NHSL1: variants seen among roughly 807,000 people sequenced by gnomAD.
The protein encoded by NHSL1 is NHS like 1, also known as NHS-like protein 1.
Under a neutral mutation model 95.0 loss-of-function variants are expected in NHSL1, and 48 were observed. That is an observed-to-expected ratio of 0.51 (90% CI 0.40 to 0.64). The LOEUF (loss-of-function observed/expected upper bound fraction) is 0.64, where lower values mean the gene tolerates loss of function less well. Among genes scored for constraint, NHSL1 ranks in the 30% least tolerant of loss-of-function variants. The probability of loss-of-function intolerance (pLI) is 0.00; values close to 1 mark genes in which losing one functional copy is unlikely to be tolerated. For synonymous variants in NHSL1, 783 were observed against 833.9 expected, an observed-to-expected ratio of 0.94 and a Z score of 1.05; for missense variants, 1,971 against 2,077.7, an observed-to-expected ratio of 0.95 and a Z score of 1.00.
At chr6:138,600,703 C>T (rs1223657900) in intron 1 of NHSL1, among the ~76,000 whole-genome samples, 3 of 152,136 alleles carry the variant, frequency 2.0e-5, no homozygotes, top group Admixed American at 6.5e-5. Flanking sequence ...AATGTCGTTG[C>T]TAAACCAACA....
chr6:138,565,703 T>A (rs1783587820), intron 1 of NHSL1, among the ~76,000 whole-genome samples: 1 of 151,686 alleles, frequency 6.6e-6, no homozygotes, highest in Non-Finnish European at 1.5e-5. Flanking sequence ...GGCAGGAGGA[T>A]CACTTGAGGC....
chr6:138,561,211 T>G (rs1192918553), intron 1 of NHSL1, among the ~76,000 whole-genome samples: 1 of 152,206 alleles, frequency 6.6e-6, no homozygotes, highest in Non-Finnish European at 1.5e-5. Flanking sequence ...AGTGTACAAT[T>G]AGCGATGCAA....
At chr6:138,539,517 T>C (rs1443973375) in intron 1 of NHSL1, among the ~76,000 whole-genome samples, 1 of 152,146 alleles carries the variant, frequency 6.6e-6, no homozygotes, top group Admixed American at 6.5e-5. Context: ...GAGTTCAATA[T>C]GGCTTAGGTG....
At chr6:138,537,188 T>C (rs1366286679) in intron 1 of NHSL1, among the ~76,000 whole-genome samples, 1 of 152,236 alleles carries the variant, frequency 6.6e-6, no homozygotes, top group Non-Finnish European at 1.5e-5. Context: ...AGGAAACATT[T>C]CCAAAAAGGA....
intron 3 of NHSL1, among the ~76,000 whole-genome samples, chr6:138,448,801 C>T (rs1351775552): frequency 6.6e-6 from 1 of 152,156 alleles, no homozygotes; most frequent in Admixed American, 6.5e-5. Flanking sequence ...GCCTGTAATC[C>T]CAGCACCCTG....
At chr6:138,587,503 C>CA (rs35723995) in intron 1 of NHSL1, among the ~76,000 whole-genome samples, 7,040 of 59,504 alleles carry the variant, frequency 0.12, 290 homozygotes, top group African/African-American at 0.18. Flanking sequence ...AAAACTCTGT[C>CA]AAAAAAAAAA....
chr6:138,545,646 C>T, exon 1 of NHSL1: 2 of 1,289,368 alleles, frequency 1.6e-6, no homozygotes, highest in Non-Finnish European at 2.0e-6. Flanking sequence ...CATTCTGCAG[C>T]AGTTCCATGG....
In NHSL1 at chr6:138,447,131, G is replaced by A; in HGVS notation, c.402C>T (p.Ala134=). ...FISIRRPKTP[A]SSDFSDLNTQ... is the part of the protein sequence containing the mutation. ...TATTAAGGTCGGAGAAGTCACTTGA[G>A]GCTGGTGTTTTAGGTCTCCTGATGG... The change falls in exon 4 of 8, where the codon GCC becomes GCT. Residue 134 remains alanine, a synonymous_variant. Coordinates refer to ENST00000343505, the MANE Select transcript of NHSL1 (RefSeq NM_001144060.2). 6.4e-7 allele frequency: 1 copy of A among 1,551,732 alleles called. No homozygotes were observed. The highest frequency in any genetic ancestry group is 8.7e-7 in the Non-Finnish European group (1 of 1,146,980).
rs1321756622 is a variant in NHSL1, at chr6:138,431,114, C to T, written c.3231G>A (p.Gln1077=). 1.9e-6 allele frequency: 3 copies of T among 1,551,710 alleles called. No homozygotes were observed. Among genetic ancestry groups the T allele is most frequent in the Non-Finnish European group, 1.7e-6 (2 of 1,147,040 alleles). ...LITTEALQMV[Q]LRPVRKNSGA... ...CTGAGTTCTTTCTCACGGGCCTCAA[C>T]TGCACCATCTGCAATGCTTCCGTGG... Residue 1077 remains glutamine, a synonymous_variant, in exon 6 of 8, where the codon CAG becomes CAA. Transcript: ENST00000343505. This position sits in a 1 kb window ranked among gnomAD's most constrained non-coding sequence, Gnocchi z 4.0.
intron 1 of NHSL1, among the ~76,000 whole-genome samples, chr6:138,686,502 A>T (rs1036371671): frequency 1.3e-5 from 2 of 152,204 alleles, no homozygotes; most frequent in African/African-American, 4.8e-5. Flanking sequence ...TAATAAAATA[A>T]AATAGTTGTT....
chr6:138,541,629 T>A (rs963345561), intron 1 of NHSL1, among the ~76,000 whole-genome samples: 1 of 152,242 alleles, frequency 6.6e-6, no homozygotes, highest in African/African-American at 2.4e-5. Flanking sequence ...CTAATGCAAC[T>A]GTTTAAATTT....
chr6:138,570,868 T>C (rs926328079), intron 1 of NHSL1, among the ~76,000 whole-genome samples: 7 of 152,334 alleles, frequency 4.6e-5, no homozygotes, highest in Admixed American at 1.3e-4. Context: ...GATACTTAAA[T>C]AGCACTCCCC....
Position 138,499,278 on chromosome 6 carries a change from T to G in NHSL1, c.13A>C (p.Ile5Leu). 6.4e-7 allele frequency: 1 copy of G among 1,550,884 alleles called. No homozygotes were observed. Among genetic ancestry groups the G allele is most frequent in the Non-Finnish European group, 8.7e-7 (1 of 1,146,362 alleles). The change falls in exon 1 of 8, where the codon ATT becomes CTT. Residue 5 changes from isoleucine (I) to leucine (L), a missense_variant. Transcript: ENST00000343505. MVVFINAKIKSLIKL... is the reference protein window; with the variant it reads MVVFLNAKIKSLIKL... ...ATTAAAGACTTAATCTTTGCATTAA[T>G]GAAGACCACCATTTCCAGGGCACCT...
intron 1 of NHSL1, among the ~76,000 whole-genome samples, chr6:138,663,009 T>C (rs1224142885): frequency 8.2e-6 from 1 of 122,576 alleles, no homozygotes; most frequent in Admixed American, 9.2e-5. Flanking sequence ...TTTCAGGAAA[T>C]AATAGCCAAG....
At chr6:138,555,597 CTGTTCTTGTGCGGAATAAAAGTGACA>C (rs1444220338) in intron 1 of NHSL1, among the ~76,000 whole-genome samples, 1 of 152,102 alleles carries the variant, frequency 6.6e-6, no homozygotes, top group Non-Finnish European at 1.5e-5. Context: ...TGAATGAATT[CTGTTCTTGTGCGGAATAAAAGTGACA>C]TGAGAAAGCC....
intron 1 of NHSL1, among the ~76,000 whole-genome samples, chr6:138,671,970 A>C (rs1002511346): frequency 6.6e-6 from 1 of 152,204 alleles, no homozygotes; most frequent in African/African-American, 2.4e-5. Flanking sequence ...GAAGGAAAAA[A>C]GGGCTAAATC....
chr6:138,619,947 C>CAAAAAAAAAAAAAAAAAAAAAACAAAA (rs11376703), intron 1 of NHSL1, among the ~76,000 whole-genome samples: 1 of 102,200 alleles, frequency 9.8e-6, no homozygotes, highest in Non-Finnish European at 2.0e-5. Flanking sequence ...AACTCTATCA[C>CAAAAAAAAAAAAAAAAAAAAAACAAAA]AAAAAAAAAA....
intron 1 of NHSL1, among the ~76,000 whole-genome samples, chr6:138,644,440 T>C (rs1396608337): frequency 6.6e-6 from 1 of 151,758 alleles, no homozygotes; most frequent in African/African-American, 2.4e-5. Context: ...GAGGCAGAGG[T>C]TGCAGCGAGC....
intron 1 of NHSL1, among the ~76,000 whole-genome samples, chr6:138,659,872 AACTG>A (rs1391567946): frequency 6.6e-6 from 1 of 151,916 alleles, no homozygotes. Flanking sequence ...GCACCATCAC[AACTG>A]ACTAATTTTT....
Sources: allele counts gnomAD v4.1 joint callset (sites outside exome capture counted in the v4.1 genomes callset), GRCh38; gene constraint gnomAD v4.1.1; non-coding constraint Gnocchi (gnomAD v3.1); transcripts MANE v1.5; gene names NCBI Gene and HGNC (gene_info 2026-07-23, HGNC 2026-07-21).